The following PTPRN2 variants were observed in gnomAD, a reference collection of about 807,000 sequenced individuals.
The protein encoded by PTPRN2 is receptor-type tyrosine-protein phosphatase N2.
PTPRN2 carries 74 observed loss-of-function variants against 118.8 expected under a neutral mutation model. The ratio of observed to expected loss-of-function variants is 0.62; its 90% CI spans 0.52 to 0.76. PTPRN2 has a LOEUF of 0.76. Ranked by LOEUF, PTPRN2 falls within the 30% of genes least tolerant of loss-of-function variation. The pLI, the probability that PTPRN2 is intolerant of heterozygous loss-of-function variation, is 0.00. For missense variants in PTPRN2, 1,481 were observed against 1,394.4 expected (o/e 1.06, Z -0.99); for synonymous variants, 641 against 608.0 (o/e 1.05, Z -0.80).
chr7:157,954,163 GTGTGTGC>G (rs1801013982), intron 11 of PTPRN2, among the ~76,000 whole-genome samples: 1 of 126,814 alleles, frequency 7.9e-6, no homozygotes, highest in African/African-American at 2.9e-5. Flanking sequence ...CCTGTGTACT[GTGTGTGC>G]TGTGTGGTGT....
intron 1 of PTPRN2, among the ~76,000 whole-genome samples, chr7:158,543,822 A>G: frequency 6.6e-6 from 1 of 152,252 alleles, no homozygotes; most frequent in South Asian, 2.1e-4. Flanking sequence ...CTGAGACCGG[A>G]TCTTGTCTGG....
intron 11 of PTPRN2, among the ~76,000 whole-genome samples, chr7:158,039,291 C>A (rs1192447137): frequency 6.6e-6 from 1 of 152,056 alleles, no homozygotes; most frequent in Non-Finnish European, 1.5e-5. Flanking sequence ...TGGAAAATAC[C>A]CAATTCCAAC....
intron 2 of PTPRN2, among the ~76,000 whole-genome samples, chr7:158,341,638 A>ACCCACACTCTCACCATAAGAGCTGACGCC (rs1806829750): frequency 9.4e-5 from 2 of 21,380 alleles, no homozygotes; most frequent in Non-Finnish European, 8.1e-5. Context: ...GAGGTAACAC[A>ACCCACACTCTCACCATAAGAGCTGACGCC]TGCAGACGTC....
intron 11 of PTPRN2, among the ~76,000 whole-genome samples, chr7:157,938,586 C>A (rs1223697511): frequency 2.0e-5 from 3 of 152,220 alleles, no homozygotes; most frequent in Non-Finnish European, 4.4e-5. Flanking sequence ...AAGATGTGAA[C>A]CCAGATCTGC....
At chr7:158,108,070 A>G (rs1815832712) in intron 10 of PTPRN2, among the ~76,000 whole-genome samples, 1 of 150,020 alleles carries the variant, frequency 6.7e-6, no homozygotes, top group South Asian at 2.1e-4. Context: ...TTCCTACTGC[A>G]TTCACCCTGT....
chr7:157,658,278 TTTC>T (rs1404124060), intron 13 of PTPRN2, among the ~76,000 whole-genome samples: 3 of 152,138 alleles, frequency 2.0e-5, no homozygotes, highest in Non-Finnish European at 4.4e-5. Context: ...CATTCTGACG[TTTC>T]TTTCTCTTTC....
At chr7:158,454,209 TGG>T (rs1199012106) in intron 2 of PTPRN2, among the ~76,000 whole-genome samples, 11 of 152,052 alleles carry the variant, frequency 7.2e-5, no homozygotes, top group East Asian at 1.9e-4. Flanking sequence ...ATGTGAGGAT[TGG>T]GGATGGTTGC....
chr7:158,281,651 G>A (rs542347310), intron 3 of PTPRN2, among the ~76,000 whole-genome samples: 35 of 152,232 alleles, frequency 2.3e-4, no homozygotes, highest in South Asian at 8.3e-4. Flanking sequence ...CCGTGCAAAC[G>A]CTCAGGTGTG....
intron 1 of PTPRN2, among the ~76,000 whole-genome samples, chr7:158,534,512 G>T (rs1008383334): frequency 6.6e-6 from 1 of 152,160 alleles, no homozygotes; most frequent in Non-Finnish European, 1.5e-5. Context: ...TTTCCCAAAC[G>T]CAGTGGGATC....
At chr7:158,318,064 C>G (rs896776) in intron 2 of PTPRN2, among the ~76,000 whole-genome samples, 1 of 151,854 alleles carries the variant, frequency 6.6e-6, no homozygotes, top group Non-Finnish European at 1.5e-5. Context: ...CCGGCCGCGC[C>G]GCCTCCTGTC....
intron 1 of PTPRN2, among the ~76,000 whole-genome samples, chr7:158,516,779 C>T (rs946373701): frequency 6.6e-6 from 1 of 151,088 alleles, no homozygotes; most frequent in African/African-American, 2.4e-5. Flanking sequence ...GTTCTTGGTG[C>T]TCCTGCCTAT....
At position 157,550,992 on chromosome 7, in the gene PTPRN2, C is replaced by T. The variant is rs1798570500; in HGVS notation, c.2903-1973G>A. On this transcript the variant is annotated intron_variant, in intron 21 of 22. Coordinates refer to ENST00000389418, the MANE Select transcript of PTPRN2 (RefSeq NM_002847.5). The surrounding 1 kb of genome is among the most constrained non-coding windows in gnomAD (Gnocchi z 5.2). ...AGAGGAAGGGAGGAAGCCAAAGGAC[C>T]CCTCCTGCGGCCATGACTGTGGCGG... 6.6e-6 allele frequency among the ~76,000 whole-genome samples: 1 copy of T among 152,138 alleles called. No individual in the cohort carries two copies. Among genetic ancestry groups the T allele is most frequent in the Non-Finnish European group, 1.5e-5 (1 of 68,012 alleles).
chr7:158,238,395 C>A (rs563502886), intron 3 of PTPRN2, among the ~76,000 whole-genome samples: 1 of 152,098 alleles, frequency 6.6e-6, no homozygotes, highest in Admixed American at 6.5e-5. Flanking sequence ...GCACAGCAGG[C>A]GAGACGCGGG....
intron 12 of PTPRN2, among the ~76,000 whole-genome samples, chr7:157,847,195 C>T (rs540627207): frequency 7.6e-6 from 1 of 131,820 alleles, no homozygotes; most frequent in South Asian, 2.9e-4. Context: ...ATCACGTGTG[C>T]CCGATGTTTA....
chr7:158,169,431 T>A (rs1437291221), intron 5 of PTPRN2, among the ~76,000 whole-genome samples: 1 of 147,602 alleles, frequency 6.8e-6, no homozygotes, highest in African/African-American at 2.6e-5. Context: ...TGTGTGTGTG[T>A]GTGTGTGTGT....
In PTPRN2 at chr7:158,570,976, C is replaced by G. The variant is rs1026432222; in HGVS notation, c.112+16582G>C. Among the ~76,000 whole-genome samples the G allele has an allele frequency of 2.0e-4, 31 of 152,262 alleles. No individual in the cohort carries two copies. The highest frequency in any genetic ancestry group is 2.9e-4 in the Non-Finnish European group (20 of 68,052). On this transcript the variant is annotated intron_variant, in intron 1 of 22. Transcript: ENST00000389418. The surrounding 1 kb of genome is among the most constrained non-coding windows in gnomAD (Gnocchi z 4.5). ...GGATGGCAAAGCCATACGCAGGAGCCTTCCCAGCAGCCGCCGCCATGGCTG... is the reference window on the plus strand; with the variant it reads ...GGATGGCAAAGCCATACGCAGGAGCGTTCCCAGCAGCCGCCGCCATGGCTG...
chr7:158,177,190 C>T (rs1438767323), intron 5 of PTPRN2, among the ~76,000 whole-genome samples: 1 of 152,212 alleles, frequency 6.6e-6, no homozygotes, highest in Admixed American at 6.5e-5. Flanking sequence ...CAGGTTATAA[C>T]AGCTTGCATT....
chr7:157,549,017 CACCT>C lies in PTPRN2; in HGVS notation c.2903-2_2904del. 6.2e-7 allele frequency: 1 copy of C among 1,614,160 alleles called. No homozygotes were observed. Among genetic ancestry groups the C allele is most frequent in the Non-Finnish European group, 8.5e-7 (1 of 1,179,990 alleles). On this transcript the variant is annotated splice_acceptor_variant and coding_sequence_variant, in exon 22 of 23. Coordinates refer to ENST00000389418, the MANE Select transcript of PTPRN2 (RefSeq NM_002847.5). LOFTEE classifies it high-confidence loss of function. ...GTCGCTGCGATATCAATCTCTTTAGCACCTGCAACAAACCACAAATTGGGCTGAG... is the reference window on the plus strand; with the variant it reads ...GTCGCTGCGATATCAATCTCTTTAGCGCAACAAACCACAAATTGGGCTGAG...
intron 14 of PTPRN2, among the ~76,000 whole-genome samples, chr7:157,623,055 T>C (rs923983092): frequency 3.3e-5 from 5 of 152,184 alleles, no homozygotes; most frequent in Admixed American, 6.5e-5. Context: ...CCCACAGAGA[T>C]GTCTCGAGTT....
Sources: allele counts gnomAD v4.1 joint callset (sites outside exome capture counted in the v4.1 genomes callset), GRCh38; gene constraint gnomAD v4.1.1; non-coding constraint Gnocchi (gnomAD v3.1); transcripts MANE v1.5; gene names NCBI Gene and HGNC (gene_info 2026-07-23, HGNC 2026-07-21).